WDR43: variants seen among roughly 807,000 people sequenced by gnomAD.
WDR43 encodes WD repeat-containing protein 43.
WDR43 carries 13 observed loss-of-function variants against 91.4 expected under a neutral mutation model. The observed-to-expected ratio is 0.14, with a 90% CI of 0.09 to 0.23. The LOEUF is 0.23. Ranked by LOEUF, WDR43 falls within the 10% of genes least tolerant of loss-of-function variation. The probability of loss-of-function intolerance (pLI) is 1.00; values close to 1 mark genes in which losing one functional copy is unlikely to be tolerated. For synonymous variants in WDR43, 331 were observed against 287.9 expected (o/e 1.15, Z -1.51); for missense variants, 780 against 809.4 (o/e 0.96, Z 0.44).
chr2:28,919,155 G>T (rs1312335365), intron 6 of WDR43, among the ~76,000 whole-genome samples: 2 of 152,136 alleles, frequency 1.3e-5, no homozygotes, highest in African/African-American at 4.8e-5. Context: ...ATACTTGGGA[G>T]GCTGTGGTGG....
At chr2:28,905,342 G>A (rs753208070) in intron 2 of WDR43, among the ~76,000 whole-genome samples, 1 of 152,186 alleles carries the variant, frequency 6.6e-6, no homozygotes, top group African/African-American at 2.4e-5. Flanking sequence ...ACATGAATGA[G>A]CTCTTCTCAG....
chr2:28,935,832 A>G, intron 12 of WDR43: 1 of 318,382 alleles, frequency 3.1e-6, no homozygotes, highest in Non-Finnish European at 5.7e-6. Context: ...TATTCTGCTA[A>G]TGGCTATTGT....
At position 28,926,528 on chromosome 2, in the gene WDR43, C is replaced by T. The variant is rs1382477823; in HGVS notation, c.1147C>T (p.Pro383Ser). 1 of 1,598,812 alleles carries T rather than the reference C, an allele frequency of 6.3e-7. No homozygotes were observed. Among genetic ancestry groups the T allele is most frequent in the Admixed American group, 1.7e-5 (1 of 58,242 alleles). Residue 383 changes from proline to serine, a missense_variant, in exon 9 of 18, where the codon CCC becomes TCC. By Grantham distance (74) the Pro-to-Ser change is moderately conservative. Around this residue, in one of 4 missense-constraint regions of WDR43, gnomAD observed 426 missense variants for 467.8 expected, o/e 0.91. Coordinates refer to ENST00000407426, the MANE Select transcript of WDR43 (RefSeq NM_015131.3). ...AAGAGATATTTCAAACTGCTGGGCCCCCAAAGTAGAAACAGCTATAACAAA... is the reference window on the plus strand; with the variant it reads ...AAGAGATATTTCAAACTGCTGGGCCTCCAAAGTAGAAACAGCTATAACAAA... ...LVRDISNCWA[P>S]KVETAITKVR...
chr2:28,925,229 A>T, intron 8 of WDR43, 76 bp downstream of exon 8: 1 of 1,290,116 alleles, frequency 7.8e-7, no homozygotes, highest in South Asian at 1.9e-5. Context: ...TAAAAATAAC[A>T]ACATTGGTCT....
chr2:28,897,292 A>G (rs572248676), intron 1 of WDR43, among the ~76,000 whole-genome samples: 12 of 152,198 alleles, frequency 7.9e-5, no homozygotes, highest in East Asian at 3.9e-4. Flanking sequence ...GATATCTTAG[A>G]AAAAAAAGGC....
intron 11 of WDR43, among the ~76,000 whole-genome samples, chr2:28,935,145 T>A (rs965916371): frequency 6.6e-6 from 1 of 152,218 alleles, no homozygotes; most frequent in African/African-American, 2.4e-5. Context: ...TTCTAAGTAA[T>A]TTTACTGTTT....
rs1671541463 is a variant in WDR43, at chr2:28,946,343, A to C, written c.1805-107A>C. On this transcript the variant is annotated intron_variant, in intron 16 of 17. Coordinates refer to ENST00000407426, the MANE Select transcript of WDR43 (RefSeq NM_015131.3). ...TCTTAGTTGGATGATTGCTAAATAT[A>C]AATAATATTTCTAAAAGTAAATTCA... is the stretch of plus-strand genomic sequence containing the variant. 16 of 1,142,226 alleles carry C rather than the reference A, an allele frequency of 1.4e-5. 1 individual carries two copies. The South Asian group carries it at 3.1e-4, about 22-fold the overall frequency. The allele number at this position is 1,142,226 out of a possible 1,614,324, so 70.8% of individuals were successfully genotyped here. A position where few individuals can be genotyped will look rare whatever the true frequency, so the allele number is the denominator to read the frequency against.
rs983097983 is a variant in WDR43 at position 28,924,061 on chromosome 2, C to T, written c.915-921C>T. Among the ~76,000 whole-genome samples the T allele has an allele frequency of 3.3e-5, 5 of 152,276 alleles. 1 individual carries two copies. The highest frequency in any genetic ancestry group is 1.2e-4 in the African/African-American group (5 of 41,556). On this transcript the variant is annotated intron_variant, in intron 7 of 17. Coordinates refer to ENST00000407426, the MANE Select transcript of WDR43 (RefSeq NM_015131.3). ...AAAGATAGGGATCATGAGATGCTTACACCTGGGATATTATGCAGGATGTAC... is the reference window on the plus strand; with the variant it reads ...AAAGATAGGGATCATGAGATGCTTATACCTGGGATATTATGCAGGATGTAC...
chr2:28,905,914 C>A (rs1670670113), intron 2 of WDR43, among the ~76,000 whole-genome samples: 1 of 152,144 alleles, frequency 6.6e-6, no homozygotes, highest in Non-Finnish European at 1.5e-5. Context: ...CTGCCTCAGC[C>A]TCCCAAAGTG....
intron 7 of WDR43, 77 bp from the exon 8 acceptor site, chr2:28,924,905 A>G (rs564779323): frequency 6.6e-7 from 1 of 1,525,818 alleles, no homozygotes; most frequent in African/African-American, 1.4e-5. Context: ...ACATTTCGTG[A>G]CTTGATGTCA....
chr2:28,927,528 A>G (rs1671164171), intron 9 of WDR43, 41 bp from the exon 10 acceptor site: 2 of 1,608,166 alleles, frequency 1.2e-6, no homozygotes, highest in East Asian at 4.5e-5. Context: ...GGACTAAGGT[A>G]TGATTTCCTT....
intron 2 of WDR43, among the ~76,000 whole-genome samples, chr2:28,905,477 A>AT (rs1204224659): frequency 6.6e-6 from 1 of 152,158 alleles, no homozygotes; most frequent in Non-Finnish European, 1.5e-5. Context: ...AGTAACAGTG[A>AT]TTTTTGTTTT....
chr2:28,913,970 C>T, intron 4 of WDR43, 99 bp from the exon 5 acceptor site: 2 of 1,379,608 alleles, frequency 1.4e-6, no homozygotes, highest in South Asian at 1.3e-5. Flanking sequence ...GCTCTCCTTT[C>T]CGATATGTAT....
Position 28,895,064 on chromosome 2 carries a change from C to T in WDR43, c.225+141C>T, listed in dbSNP as rs1572575402. 7.0e-6 allele frequency: 6 copies of T among 856,854 alleles called. 1 individual carries two copies. Among genetic ancestry groups the T allele is most frequent in the South Asian group, 3.8e-5 (1 of 26,582 alleles). The allele number at this position is 856,854 out of a possible 1,614,324, so 53.1% of individuals were successfully genotyped here. A position where few individuals can be genotyped will look rare whatever the true frequency, so the allele number is the denominator to read the frequency against. On this transcript the variant is annotated intron_variant, in intron 1 of 17. Coordinates refer to ENST00000407426, the MANE Select transcript of WDR43 (RefSeq NM_015131.3). ...GGCTTGGAGGCGGCGTCGGCGCGTT[C>T]AGGGCCCAAGCCGCCAGCCCCGCGT...
chr2:28,931,261 T>G (rs566124615), intron 11 of WDR43, among the ~76,000 whole-genome samples: 1 of 152,248 alleles, frequency 6.6e-6, no homozygotes, highest in African/African-American at 2.4e-5. Flanking sequence ...TTTGTATTTT[T>G]AGTAGAGATG....
At chr2:28,942,460 A>G in intron 16 of WDR43, 79 bp downstream of exon 16, 3 of 1,444,130 alleles carry the variant, frequency 2.1e-6, no homozygotes, top group Non-Finnish European at 2.9e-6. Context: ...ATCTTTTTGA[A>G]AACGTCAACA....
chr2:28,912,970 T>TG, intron 4 of WDR43, among the ~76,000 whole-genome samples: 1 of 94,684 alleles, frequency 1.1e-5, no homozygotes, highest in South Asian at 3.6e-4. Context: ...TTTTTTTTTT[T>TG]GAGATGGAGT....
chr2:28,930,239 A>C (rs1558380343), intron 11 of WDR43: 1 of 377,480 alleles, frequency 2.6e-6, no homozygotes, highest in East Asian at 7.5e-5. Flanking sequence ...GTATAAAGGG[A>C]GGCATTTATG....
intron 4 of WDR43, chr2:28,913,758 G>T: frequency 1.8e-6 from 1 of 553,520 alleles, no homozygotes; most frequent in African/African-American, 1.9e-5. Context: ...CCCAAAGTAT[G>T]CCTTTTAAAA....
Sources: gnomAD v4.1 joint callset for allele counts (sites outside exome capture counted in the v4.1 genomes callset) on GRCh38, gnomAD v4.1.1 for gene constraint, gnomAD v4.1.1 regional missense constraint, MANE v1.5 for transcripts, NCBI Gene and HGNC (gene_info 2026-07-23, HGNC 2026-07-21) for gene names.